The following RUSC2 variants were observed in gnomAD, a reference collection of about 807,000 sequenced individuals.
The protein encoded by RUSC2 is AP-4 complex accessory subunit RUSC2.
In RUSC2, 34 loss-of-function variants were observed where a neutral mutation model predicts 122.2. The ratio of observed to expected loss-of-function variants is 0.28; its 90% confidence interval spans 0.21 to 0.37. The LOEUF (loss-of-function observed/expected upper bound fraction) is 0.37, where lower values mean the gene tolerates loss of function less well. RUSC2 is among the 10% of genes least tolerant of loss of function. The pLI is 1.00. For missense variants in RUSC2, 1,747 were observed against 1,952.4 expected (o/e 0.89, Z 1.98); for synonymous variants, 784 against 790.0 (o/e 0.99, Z 0.13).
In RUSC2 at chr9:35,556,418, GCCATTT is replaced by G. The variant is rs1563874300; in HGVS notation, c.2959_2964del (p.Ser987_Ile988del). The stretch of plus-strand genomic sequence containing the variant: ...TCTGTCCCCAGATGGCAGCTCAGAG[GCCATTT>G]CCATTGACCTGCTTCAGAAAAAAGG... On this transcript the variant is annotated inframe_deletion, in exon 5 of 12. Transcript: ENST00000361226. 1 of 1,614,144 alleles carries G rather than the reference GCCATTT, an allele frequency of 6.2e-7. No homozygotes were observed.
chr9:35,511,040 T>C (rs994674170), intron 1 of RUSC2, among the ~76,000 whole-genome samples: 3 of 152,186 alleles, frequency 2.0e-5, no homozygotes, highest in Non-Finnish European at 4.4e-5. Context: ...TCCAAACACT[T>C]TTCCTGAAAC....
chr9:35,517,035 A>T (rs573994460), intron 1 of RUSC2, among the ~76,000 whole-genome samples: 4 of 152,364 alleles, frequency 2.6e-5, no homozygotes, highest in African/African-American at 9.6e-5. Context: ...TACAATTATA[A>T]ATTGTAAATT....
At chr9:35,517,498 TG>T (rs1821129809) in intron 1 of RUSC2, among the ~76,000 whole-genome samples, 1 of 141,836 alleles carries the variant, frequency 7.1e-6, no homozygotes, top group Non-Finnish European at 1.5e-5. Context: ...ATCAGTGTCC[TG>T]GGCCCACAAA....
chr9:35,560,405 G>A lies in RUSC2; in HGVS notation c.3765G>A (p.Gly1255=). The change falls in exon 10 of 12, where the codon GGG becomes GGA. Residue 1255 remains glycine, a synonymous_variant. Coordinates refer to ENST00000361226, the MANE Select transcript of RUSC2 (RefSeq NM_014806.5). ...EETEEVAEAA[G]GSGRARWARG... is the part of the protein sequence containing the mutation. The stretch of plus-strand genomic sequence containing the variant: ...CAGAAGAGGTGGCAGAGGCAGCCGG[G>A]GGCTCAGGGCGTGCCAGGTGGGCCC... 6.2e-7 allele frequency: 1 copy of A among 1,614,120 alleles called. No homozygotes were observed. Among genetic ancestry groups the A allele is most frequent in the South Asian group, 1.1e-5 (1 of 91,076 alleles).
chr9:35,496,076 AC>A (rs1037421778), intron 1 of RUSC2, among the ~76,000 whole-genome samples: 2 of 152,162 alleles, frequency 1.3e-5, no homozygotes, highest in African/African-American at 4.8e-5. Context: ...CGAGCTAGTA[AC>A]CAGAGAAACT....
chr9:35,553,923 A>G lies in RUSC2; in HGVS notation c.2015-1137A>G, dbSNP rs556386756. Among the ~76,000 whole-genome samples the G allele has an allele frequency of 4.6e-5, 7 of 152,352 alleles. No homozygotes were observed. The South Asian group carries it at 1.5e-3, about 32-fold the overall frequency. On this transcript the variant is annotated intron_variant, in intron 2 of 11. Coordinates refer to ENST00000361226, the MANE Select transcript of RUSC2 (RefSeq NM_014806.5). ...TTCACATGTAGTACAATGTGGTAAA[A>G]AGAACAGTGGCTCTGAAATCAGACT...
intron 1 of RUSC2, among the ~76,000 whole-genome samples, chr9:35,518,842 A>G (rs1244248349): frequency 6.6e-6 from 1 of 152,190 alleles, no homozygotes. Flanking sequence ...TCAGTGCCCT[A>G]GTCTGGGACT....
chr9:35,560,112 C>G lies in RUSC2; in HGVS notation c.3472C>G (p.Leu1158Val). The G allele has an allele frequency of 6.2e-7, 1 of 1,613,100 alleles. No individual in the cohort carries two copies. The highest frequency in any genetic ancestry group is 8.5e-7 in the Non-Finnish European group (1 of 1,180,014). ...VCPGLFEELL[L>V]LLQPLALLPF... ...TCCCGGCCTCTTTGAAGAGCTGCTG[C>G]TGCTGCTACAGCCCCTGGCCCTGCT... The change falls in exon 10 of 12, where the codon CTG becomes GTG. Residue 1158 changes from leucine to valine, a missense_variant. By Grantham distance (32) the Leu-to-Val change is conservative. Coordinates refer to ENST00000361226, the MANE Select transcript of RUSC2 (RefSeq NM_014806.5).
At chr9:35,518,300 TC>T (rs2132513837) in intron 1 of RUSC2, among the ~76,000 whole-genome samples, 1 of 152,336 alleles carries the variant, frequency 6.6e-6, no homozygotes, top group African/African-American at 2.4e-5. Flanking sequence ...GAGTCACTGT[TC>T]CTGTGTGCTT....
chr9:35,516,945 T>C (rs1002495408), intron 1 of RUSC2, among the ~76,000 whole-genome samples: 4 of 152,222 alleles, frequency 2.6e-5, no homozygotes, highest in African/African-American at 9.6e-5. Flanking sequence ...TTTGAGGCAA[T>C]GGATATGTTA....
chr9:35,548,085 G>A lies in RUSC2; in HGVS notation c.1564G>A (p.Val522Met), dbSNP rs760159839. The A allele has an allele frequency of 1.2e-6, 2 of 1,613,216 alleles. No individual in the cohort carries two copies. The highest frequency in any genetic ancestry group is 2.2e-5 in the South Asian group (2 of 91,084). ...GCTGGAACGTATGTTGAGTTGCCCA[G>A]TGCGCTTGAGTGAGGGCCCTGCAGC... ...GSLERMLSCP[V>M]RLSEGPAAMA... The change falls in exon 2 of 12, where the codon GTG (valine) becomes ATG (methionine). Residue 522 changes from valine (V) to methionine (M), a missense_variant. By Grantham distance (21) the Val-to-Met change is conservative. Transcript: ENST00000361226. The surrounding 1 kb of genome is among the most constrained non-coding windows in gnomAD (Gnocchi z 4.5).
At chr9:35,535,791 C>T (rs575117541) in intron 1 of RUSC2, among the ~76,000 whole-genome samples, 161 of 152,190 alleles carry the variant, frequency 1.1e-3, no homozygotes, top group Non-Finnish European at 1.7e-3. Context: ...CTGCCCGCCT[C>T]GGCCTCTCAA....
At chr9:35,551,915 A>C (rs564934077) in intron 2 of RUSC2, among the ~76,000 whole-genome samples, 85 of 151,696 alleles carry the variant, frequency 5.6e-4, no homozygotes, top group Non-Finnish European at 1.1e-3. Flanking sequence ...AAATTTAAAA[A>C]CAGCTGGGAG....
At chr9:35,545,863 G>A (rs1485393302) in intron 1 of RUSC2, among the ~76,000 whole-genome samples, 2 of 152,126 alleles carry the variant, frequency 1.3e-5, no homozygotes, top group African/African-American at 4.8e-5. Context: ...AAATATTCTG[G>A]GGCTTGTAGG....
intron 1 of RUSC2, among the ~76,000 whole-genome samples, chr9:35,503,223 A>G (rs1045629122): frequency 3.3e-5 from 5 of 152,004 alleles, no homozygotes; most frequent in African/African-American, 7.2e-5. Context: ...AGCAGTGTAC[A>G]CTATGCCCAA....
Position 35,497,854 on chromosome 9 carries a change from G to T in RUSC2, c.-93+7682G>T, listed in dbSNP as rs550776488. Among the ~76,000 whole-genome samples the T allele has an allele frequency of 5.9e-5, 9 of 152,278 alleles. No homozygotes were observed. The East Asian group carries it at 1.7e-3, about 29-fold the overall frequency. ...TCTGTCCCTGTGGAACATTGTGAAA[G>T]ATATGTATCTACATCTGTCACACTT... On this transcript the variant is annotated intron_variant, in intron 1 of 11. Transcript: ENST00000361226.
In RUSC2 at chr9:35,548,037, A is replaced by G; in HGVS notation, c.1516A>G (p.Ser506Gly). The change falls in exon 2 of 12, where the codon AGC (serine) becomes GGC (glycine). Residue 506 changes from serine (S) to glycine (G), a missense_variant. Coordinates refer to ENST00000361226, the MANE Select transcript of RUSC2 (RefSeq NM_014806.5). The surrounding 1 kb of genome is among the most constrained non-coding windows in gnomAD (Gnocchi z 4.5). ...SRSYDRSLQR[S>G]PPVRLGSLER... ...CAGCTATGATCGCAGCCTGCAGCGCAGCCCTCCTGTCCGCCTGGGCTCGCT... is the reference window on the plus strand; with the variant it reads ...CAGCTATGATCGCAGCCTGCAGCGCGGCCCTCCTGTCCGCCTGGGCTCGCT... 6.2e-7 allele frequency: 1 copy of G among 1,613,794 alleles called. No homozygotes were observed. The highest frequency in any genetic ancestry group is 8.5e-7 in the Non-Finnish European group (1 of 1,180,042).
intron 1 of RUSC2, among the ~76,000 whole-genome samples, chr9:35,527,455 G>A (rs1327011521): frequency 6.6e-6 from 1 of 152,110 alleles, no homozygotes; most frequent in Non-Finnish European, 1.5e-5. Flanking sequence ...GTAAGTCACT[G>A]CACCTGGCTG....
At chr9:35,536,176 T>C (rs1821523315) in intron 1 of RUSC2, among the ~76,000 whole-genome samples, 1 of 88,364 alleles carries the variant, frequency 1.1e-5, no homozygotes, top group Non-Finnish European at 3.2e-5. Flanking sequence ...TCTTATAAAA[T>C]GATGATCATC....
Sources: gnomAD v4.1 joint callset for allele counts (sites outside exome capture counted in the v4.1 genomes callset) on GRCh38, gnomAD v4.1.1 for gene constraint, Gnocchi (gnomAD v3.1) non-coding constraint, MANE v1.5 for transcripts, NCBI Gene and HGNC (gene_info 2026-07-23, HGNC 2026-07-21) for gene names.